Variants in ETV6 observed in about 807,000 individuals in gnomAD.
The protein encoded by ETV6 is ETS variant transcription factor 6, also known as transcription factor ETV6.
A neutral mutation model predicts 51.1 loss-of-function variants in ETV6; 16 were observed. The observed-to-expected ratio is 0.31, with a 90% confidence interval of 0.21 to 0.48. The LOEUF is 0.48. Among genes scored for constraint, ETV6 ranks in the 20% least tolerant of loss-of-function variants. ETV6 has a pLI of 0.99. For missense variants in ETV6, 458 were observed against 594.8 expected (o/e 0.77, Z 2.39); for synonymous variants, 240 against 224.1 (o/e 1.07, Z -0.64).
intron 5 of ETV6, among the ~76,000 whole-genome samples, chr12:11,883,276 C>CTTCTTCTTCTTTTTT (rs776231778): frequency 2.5e-5 from 2 of 79,116 alleles, no homozygotes; most frequent in Non-Finnish European, 2.2e-5. Flanking sequence ...ATGTCTTCTT[C>CTTCTTCTTCTTTTTT]TTTTTTTTTT....
At chr12:11,866,223 T>C (rs1946789147) in intron 4 of ETV6, among the ~76,000 whole-genome samples, 1 of 152,186 alleles carries the variant, frequency 6.6e-6, no homozygotes, top group Admixed American at 6.5e-5. Context: ...CATTTCCCTT[T>C]TGGCAGCCTG....
chr12:11,878,191 C>T (rs988985626), intron 5 of ETV6, among the ~76,000 whole-genome samples: 12 of 152,110 alleles, frequency 7.9e-5, no homozygotes, highest in South Asian at 4.1e-4. Flanking sequence ...ATATTCCCAG[C>T]GGCTGAGTCA....
chr12:11,758,433 T>A (rs770134159), intron 2 of ETV6, among the ~76,000 whole-genome samples: 14 of 152,200 alleles, frequency 9.2e-5, no homozygotes, highest in Non-Finnish European at 1.3e-4. Flanking sequence ...GTGTGTTTCA[T>A]TAAAGAAAGG....
chr12:11,840,575 AC>A (rs983862178), intron 3 of ETV6: 1 of 452,496 alleles, frequency 2.2e-6, no homozygotes, highest in African/African-American at 2.0e-5. Context: ...AAGTTAATAA[AC>A]TAACCGTCAT....
At chr12:11,809,115 G>A (rs1471295961) in intron 2 of ETV6, among the ~76,000 whole-genome samples, 2 of 151,518 alleles carry the variant, frequency 1.3e-5, no homozygotes, top group Admixed American at 6.6e-5. Flanking sequence ...GTGGTGAGCC[G>A]TGATCGTGCC....
intron 2 of ETV6, among the ~76,000 whole-genome samples, chr12:11,825,038 G>GC (rs1315185853): frequency 6.6e-6 from 1 of 152,182 alleles, no homozygotes; most frequent in Non-Finnish European, 1.5e-5. Context: ...AACAGAAGGA[G>GC]CAGAATAGCA....
At chr12:11,816,468 G>A (rs536382694) in intron 2 of ETV6, among the ~76,000 whole-genome samples, 2 of 152,078 alleles carry the variant, frequency 1.3e-5, no homozygotes, top group African/African-American at 2.4e-5. Flanking sequence ...GGATGGTCTC[G>A]ATCTCCTGAC....
chr12:11,855,868 A>G (rs911026028), intron 4 of ETV6, among the ~76,000 whole-genome samples: 1 of 152,178 alleles, frequency 6.6e-6, no homozygotes, highest in Non-Finnish European at 1.5e-5. Flanking sequence ...GGCTTGCATA[A>G]TAGCCACCAG....
intron 2 of ETV6, among the ~76,000 whole-genome samples, chr12:11,799,993 T>C (rs1945724514): frequency 6.6e-6 from 1 of 152,196 alleles, no homozygotes; most frequent in South Asian, 2.1e-4. Context: ...GATGTTTCTT[T>C]ACAGCCTTCA....
At chr12:11,795,083 G>A (rs2064535255) in intron 2 of ETV6, among the ~76,000 whole-genome samples, 1 of 152,194 alleles carries the variant, frequency 6.6e-6, no homozygotes, top group Non-Finnish European at 1.5e-5. Context: ...AGAGTACAAG[G>A]CATATGTGCA....
intron 2 of ETV6, among the ~76,000 whole-genome samples, chr12:11,769,626 A>G (rs563081783): frequency 6.6e-6 from 1 of 152,334 alleles, no homozygotes; most frequent in Admixed American, 6.5e-5. Flanking sequence ...GGCCTATAGC[A>G]GCCAGTGGGG....
At chr12:11,670,929 A>G (rs1864301152) in intron 1 of ETV6, among the ~76,000 whole-genome samples, 1 of 152,090 alleles carries the variant, frequency 6.6e-6, no homozygotes, top group Non-Finnish European at 1.5e-5. Flanking sequence ...TTTTATTAAA[A>G]CCCATATTTT....
In ETV6 at chr12:11,892,859, T is replaced by C. The variant is rs1442177860; in HGVS notation, c.*1813T>C. On this transcript the variant is annotated 3_prime_UTR_variant, in exon 8 of 8. Coordinates refer to ENST00000396373, the MANE Select transcript of ETV6 (RefSeq NM_001987.5). Reference sequence around the variant, plus strand: ...ACCTAGGGTGCAAACAGATGGACTATGGTTCAAGGACACTGGAATTGAGGA... The same window carrying C: ...ACCTAGGGTGCAAACAGATGGACTACGGTTCAAGGACACTGGAATTGAGGA... 3 of 232,984 alleles carry C rather than the reference T, an allele frequency of 1.3e-5. No individual in the cohort carries two copies. The highest frequency in any genetic ancestry group is 6.0e-5 in the East Asian group (1 of 16,566). 14.4% of individuals were successfully genotyped at this position (232,984 alleles called of 1,614,324 possible). A position where few individuals can be genotyped will look rare whatever the true frequency, so the allele number is the denominator to read the frequency against.
chr12:11,827,286 G>A (rs1946171633), intron 2 of ETV6, among the ~76,000 whole-genome samples: 1 of 152,092 alleles, frequency 6.6e-6, no homozygotes, highest in Non-Finnish European at 1.5e-5. Context: ...GCCTTTCGGT[G>A]GAGGGTAGAT....
At chr12:11,822,626 A>C (rs552926045) in intron 2 of ETV6, among the ~76,000 whole-genome samples, 3 of 152,362 alleles carry the variant, frequency 2.0e-5, no homozygotes, top group Non-Finnish European at 2.9e-5. Flanking sequence ...TTATTTAGGA[A>C]GCTGCCTCAG....
chr12:11,874,936 AC>A (rs1229463036), intron 5 of ETV6, among the ~76,000 whole-genome samples: 3 of 149,792 alleles, frequency 2.0e-5, no homozygotes, highest in African/African-American at 7.3e-5. Context: ...TAGGAGATAT[AC>A]CTAATGTAAA....
At chr12:11,752,372 C>T (rs542048027) in intron 1 of ETV6, 78 bp from the exon 2 acceptor site, 175 of 1,520,544 alleles carry the variant, frequency 1.2e-4, no homozygotes, top group South Asian at 9.5e-4. Flanking sequence ...CTCCCCACCC[C>T]GAGATGGTCT....
intron 2 of ETV6, among the ~76,000 whole-genome samples, chr12:11,762,357 G>T (rs945749964): frequency 6.6e-6 from 1 of 152,142 alleles, no homozygotes; most frequent in Admixed American, 6.5e-5. Context: ...GTGATTAGCG[G>T]CAATCCCCTC....
In ETV6 at chr12:11,893,494, C is replaced by A. The variant is rs1485826236; in HGVS notation, c.*2448C>A. 5 of 231,716 alleles carry A rather than the reference C, an allele frequency of 2.2e-5. No homozygotes were observed. Among genetic ancestry groups the A allele is most frequent in the African/African-American group, 1.1e-4 (5 of 45,234 alleles). 14.4% of individuals were successfully genotyped at this position (231,716 alleles called of 1,614,324 possible). A position where few individuals can be genotyped will look rare whatever the true frequency, so the allele number is the denominator to read the frequency against. On this transcript the variant is annotated 3_prime_UTR_variant, in exon 8 of 8. Transcript: ENST00000396373. Reference sequence around the variant, plus strand: ...ACTTGAAGAAGAAATAGAAGGCGCTCATTCCAATATAGTCTTTATTTCCCA... The same window carrying A: ...ACTTGAAGAAGAAATAGAAGGCGCTAATTCCAATATAGTCTTTATTTCCCA...
Sources: gnomAD v4.1 joint callset for allele counts (sites outside exome capture counted in the v4.1 genomes callset) on GRCh38, gnomAD v4.1.1 for gene constraint, MANE v1.5 for transcripts, NCBI Gene and HGNC (gene_info 2026-07-23, HGNC 2026-07-21) for gene names.